The following FGF9 variants were observed in gnomAD, a reference collection of about 807,000 sequenced individuals.
FGF9 encodes the protein fibroblast growth factor 9 (glia-activating factor).
A neutral mutation model predicts 19.9 loss-of-function variants in FGF9; 3 were observed. That is an observed-to-expected ratio of 0.15 (90% CI 0.07 to 0.39). The LOEUF (loss-of-function observed/expected upper bound fraction) is 0.39. Ranked by LOEUF, FGF9 falls within the 10% of genes least tolerant of loss-of-function variation. The pLI is 1.00. For missense variants in FGF9, 175 were observed against 256.8 expected (o/e 0.68, Z 2.18); for synonymous variants, 107 against 106.9 (o/e 1.00, Z -0.01).
chr13:21,695,774 A>G (rs1872396693), intron 2 of FGF9, among the ~76,000 whole-genome samples: 1 of 152,236 alleles, frequency 6.6e-6, no homozygotes, highest in Non-Finnish European at 1.5e-5. Flanking sequence ...ATGAATGATT[A>G]CATTGAAGTC....
intron 2 of FGF9, among the ~76,000 whole-genome samples, chr13:21,688,711 G>A (rs546138594): frequency 6.6e-6 from 1 of 150,958 alleles, no homozygotes; most frequent in South Asian, 2.1e-4. Context: ...ATATAGTGGG[G>A]CAAGGTTTTA....
At position 21,671,198 on chromosome 13, in the gene FGF9, T is replaced by G. The variant is rs953543815; in HGVS notation, c.-715T>G. Among the ~76,000 whole-genome samples the G allele has an allele frequency of 6.6e-6, 1 of 152,216 alleles. No homozygotes were observed. The highest frequency in any genetic ancestry group is 1.5e-5 in the Non-Finnish European group (1 of 68,024). ...CGGCACGCGAGCTCCCGGACGCGGC[T>G]CTCCTCGCTCGCCGCTCGCCACCCG... On this transcript the variant is annotated 5_prime_UTR_variant, in exon 1 of 3. Coordinates refer to ENST00000382353, the MANE Select transcript of FGF9 (RefSeq NM_002010.3).
chr13:21,697,565 A>G (rs1872437383), intron 2 of FGF9, among the ~76,000 whole-genome samples: 1 of 152,330 alleles, frequency 6.6e-6, no homozygotes, highest in East Asian at 1.9e-4. Context: ...TGAAAAGGTC[A>G]GTTCAATTTC....
At chr13:21,674,701 A>G (rs890226810) in intron 1 of FGF9, among the ~76,000 whole-genome samples, 1 of 149,030 alleles carries the variant, frequency 6.7e-6, no homozygotes, top group Non-Finnish European at 1.5e-5. Context: ...CCTTCCCTCC[A>G]TGAGCATTTT....
At chr13:21,676,879 G>C (rs1179340172) in intron 1 of FGF9, among the ~76,000 whole-genome samples, 1 of 152,176 alleles carries the variant, frequency 6.6e-6, no homozygotes, top group Non-Finnish European at 1.5e-5. Flanking sequence ...TCTAGGGGGC[G>C]GTGCCAGCTT....
chr13:21,693,974 C>T (rs1217308745), intron 2 of FGF9, among the ~76,000 whole-genome samples: 1 of 152,152 alleles, frequency 6.6e-6, no homozygotes, highest in African/African-American at 2.4e-5. Context: ...CACTGAGTCC[C>T]TTTTTTCATT....
At chr13:21,689,658 T>C (rs2138140895) in intron 2 of FGF9, among the ~76,000 whole-genome samples, 1 of 152,308 alleles carries the variant, frequency 6.6e-6, no homozygotes, top group East Asian at 1.9e-4. Context: ...AAAGAATGCA[T>C]TATGACAGCA....
chr13:21,696,364 A>G (rs1448808476), intron 2 of FGF9, among the ~76,000 whole-genome samples: 1 of 152,226 alleles, frequency 6.6e-6, no homozygotes. Context: ...ACTTTAGTAG[A>G]CTTTTGAATT....
chr13:21,679,889 G>A (rs1008830456), intron 1 of FGF9, among the ~76,000 whole-genome samples: 9 of 150,600 alleles, frequency 6.0e-5, no homozygotes, highest in African/African-American at 2.0e-4. Flanking sequence ...TCCGGGAGGC[G>A]GAGCTTGCAG....
intron 1 of FGF9, among the ~76,000 whole-genome samples, chr13:21,679,823 T>C (rs1210402510): frequency 6.6e-6 from 1 of 151,076 alleles, no homozygotes; most frequent in African/African-American, 2.4e-5. Flanking sequence ...GCGTGGTGGC[T>C]GTCCCAGCCT....
chr13:21,689,788 TG>T (rs377151130), intron 2 of FGF9, among the ~76,000 whole-genome samples: 99 of 152,282 alleles, frequency 6.5e-4, no homozygotes, highest in African/African-American at 2.2e-3. Flanking sequence ...TCCTGAGCCT[TG>T]AGGCACACTG....
intron 2 of FGF9, among the ~76,000 whole-genome samples, chr13:21,687,528 A>G (rs17070348): frequency 0.027 from 4,068 of 152,340 alleles, 86 homozygotes; most frequent in South Asian, 0.056. Context: ...ATGAAGGAAG[A>G]TGCTCCCTGA....
intron 1 of FGF9, among the ~76,000 whole-genome samples, chr13:21,680,407 G>A (rs1872016088): frequency 6.6e-6 from 1 of 151,618 alleles, no homozygotes; most frequent in Admixed American, 6.6e-5. Flanking sequence ...GCTTTAGTTA[G>A]CACTTCATTC....
At chr13:21,683,517 A>G (rs180939429) in intron 2 of FGF9, among the ~76,000 whole-genome samples, 160 of 152,324 alleles carry the variant, frequency 1.1e-3, no homozygotes, top group African/African-American at 3.7e-3. Flanking sequence ...GCACACACAC[A>G]GTGCGTGGGC....
chr13:21,673,306 C>G (rs1871815047), intron 1 of FGF9, among the ~76,000 whole-genome samples: 1 of 152,168 alleles, frequency 6.6e-6, no homozygotes, highest in South Asian at 2.1e-4. Context: ...AGATGTTGAA[C>G]ACAATCTAAA....
intron 1 of FGF9, among the ~76,000 whole-genome samples, chr13:21,674,528 G>C (rs973350506): frequency 1.3e-5 from 2 of 151,822 alleles, no homozygotes; most frequent in Non-Finnish European, 1.5e-5. Context: ...AGCGCGGCGG[G>C]GGCGCACGGC....
At chr13:21,678,121 G>A (rs1301354422) in intron 1 of FGF9, among the ~76,000 whole-genome samples, 1 of 152,160 alleles carries the variant, frequency 6.6e-6, no homozygotes, top group Non-Finnish European at 1.5e-5. Flanking sequence ...ATGGTATGGT[G>A]CTTGGCTTAT....
At position 21,690,579 on chromosome 13, in the gene FGF9, C is replaced by T. The variant is rs567009300; in HGVS notation, c.381+9434C>T. On this transcript the variant is annotated intron_variant, in intron 2 of 2. Coordinates refer to ENST00000382353, the MANE Select transcript of FGF9 (RefSeq NM_002010.3). ...TAGGTGCTGGAAATACGTTGATCCT[C>T]ATTGTTCACAGATTCTGGTTTTTGT... Among the ~76,000 whole-genome samples, 9 of 152,336 alleles carry T rather than the reference C, an allele frequency of 5.9e-5. No individual in the cohort carries two copies. In the South Asian group the frequency reaches 1.9e-3, roughly 32 times the overall value.
intron 1 of FGF9, among the ~76,000 whole-genome samples, chr13:21,675,473 G>GGGCGGAGGGAGGGCACA (rs1871891886): frequency 6.6e-6 from 1 of 151,930 alleles, no homozygotes. Flanking sequence ...CGCGCGGGGA[G>GGGCGGAGGGAGGGCACA]GGCGGAGGGA....
Sources: gnomAD v4.1 joint callset for allele counts (sites outside exome capture counted in the v4.1 genomes callset) on GRCh38, gnomAD v4.1.1 for gene constraint, MANE v1.5 for transcripts, NCBI Gene and HGNC (gene_info 2026-07-23, HGNC 2026-07-21) for gene names.